The following DCAF12 variants were observed in gnomAD, a reference collection of about 807,000 sequenced individuals.
DCAF12 encodes the protein DDB1 and CUL4 associated factor 12, also known as DDB1- and CUL4-associated factor 12.
A neutral mutation model predicts 52.8 loss-of-function variants in DCAF12; 28 were observed. The observed-to-expected ratio is 0.53, with a 90% CI of 0.39 to 0.73. The LOEUF is 0.73. DCAF12 is among the 30% of genes least tolerant of loss of function. The probability of loss-of-function intolerance (pLI) is 0.00; values close to 1 mark genes in which losing one functional copy is unlikely to be tolerated. For synonymous variants in DCAF12, 196 were observed against 215.5 expected (o/e 0.91, Z 0.79); for missense variants, 425 against 552.2 (o/e 0.77, Z 2.31).
intron 3 of DCAF12, among the ~76,000 whole-genome samples, chr9:34,106,813 AT>A (rs1828911261): frequency 6.6e-6 from 1 of 151,994 alleles, no homozygotes; most frequent in Admixed American, 6.6e-5. Flanking sequence ...TTGTACCCTC[AT>A]TTCCTTTAAG....
In DCAF12 at chr9:34,088,272, T is replaced by G. The variant is rs978083388; in HGVS notation, c.*78A>C. 3.4e-6 allele frequency: 5 copies of G among 1,472,084 alleles called. No homozygotes were observed. The South Asian group carries it at 5.8e-5, about 17-fold the overall frequency. The allele number at this position is 1,472,084 out of a possible 1,614,324, so 91.2% of individuals were successfully genotyped here. Reference sequence around the variant, plus strand: ...CTAAAACACAAGAGCCTCACACAATTAGGAAAAAAAAAATCAAAAGAAACA... The same window carrying G: ...CTAAAACACAAGAGCCTCACACAATGAGGAAAAAAAAAATCAAAAGAAACA... On this transcript the variant is annotated 3_prime_UTR_variant, in exon 9 of 9. Coordinates refer to ENST00000361264, the MANE Select transcript of DCAF12 (RefSeq NM_015397.4).
chr9:34,114,230 T>C (rs555552823), intron 2 of DCAF12, among the ~76,000 whole-genome samples: 2 of 152,234 alleles, frequency 1.3e-5, no homozygotes, highest in African/African-American at 4.8e-5. Context: ...AAGCCAAGTA[T>C]AGAATACTGA....
intron 2 of DCAF12, among the ~76,000 whole-genome samples, chr9:34,108,609 T>C (rs1414320115): frequency 1.3e-5 from 2 of 151,860 alleles, no homozygotes; most frequent in African/African-American, 4.8e-5. Context: ...CTGGCTAACA[T>C]GGTGAAAACC....
At chr9:34,095,459 C>T (rs928971469) in intron 6 of DCAF12, among the ~76,000 whole-genome samples, 8 of 146,396 alleles carry the variant, frequency 5.5e-5, no homozygotes, top group African/African-American at 1.8e-4. Flanking sequence ...CGGCTCACTG[C>T]AGCCTTGACC....
intron 5 of DCAF12, among the ~76,000 whole-genome samples, chr9:34,097,750 T>C (rs1828757934): frequency 2.0e-5 from 3 of 151,902 alleles, no homozygotes; most frequent in African/African-American, 4.8e-5. Flanking sequence ...CTGGCCAACA[T>C]GGTGAAACCC....
intron 7 of DCAF12, among the ~76,000 whole-genome samples, chr9:34,091,596 C>G (rs555384547): frequency 4.7e-4 from 68 of 143,622 alleles, no homozygotes; most frequent in Admixed American, 1.5e-3. Context: ...TGAGATTGCA[C>G]CACTTTCCTC....
intron 4 of DCAF12, among the ~76,000 whole-genome samples, chr9:34,102,905 A>G (rs1043938959): frequency 6.6e-6 from 1 of 151,438 alleles, no homozygotes; most frequent in Admixed American, 6.6e-5. Context: ...TTGAAACACC[A>G]TCAGTACAAA....
intron 1 of DCAF12, chr9:34,125,629 G>A (rs1829237342): frequency 4.2e-6 from 2 of 475,710 alleles, no homozygotes; most frequent in Non-Finnish European, 4.3e-6. Context: ...TCTCTACCCA[G>A]CCCCCTTCTC....
intron 5 of DCAF12, among the ~76,000 whole-genome samples, chr9:34,097,147 C>A (rs1207186037): frequency 6.6e-6 from 1 of 151,886 alleles, no homozygotes; most frequent in Non-Finnish European, 1.5e-5. Context: ...TACCCTTAGG[C>A]CATAAATACA....
At chr9:34,118,468 A>C (rs193249267) in intron 2 of DCAF12, among the ~76,000 whole-genome samples, 25 of 152,252 alleles carry the variant, frequency 1.6e-4, no homozygotes, top group African/African-American at 6.0e-4. Flanking sequence ...GGATGCTAAC[A>C]GTTAACGTGT....
At chr9:34,105,900 G>C (rs953420512) in intron 4 of DCAF12, among the ~76,000 whole-genome samples, 1 of 150,676 alleles carries the variant, frequency 6.6e-6, no homozygotes, top group Middle Eastern at 3.5e-3. Flanking sequence ...AAGCGCCCAC[G>C]ACCACACTCA....
chr9:34,107,352 A>G lies in DCAF12; in HGVS notation c.540+7T>C. 6.2e-7 allele frequency: 1 copy of G among 1,613,826 alleles called. No individual in the cohort carries two copies. Among genetic ancestry groups the G allele is most frequent in the Non-Finnish European group, 8.5e-7 (1 of 1,179,840 alleles). On this transcript the variant is annotated splice_region_variant and intron_variant, in intron 3 of 8. Transcript: ENST00000361264. The stretch of plus-strand genomic sequence containing the variant: ...TCCCTCCAACTACAACTACTGGGAA[A>G]ACTTACATCTCCTACACACACAGGA...
At chr9:34,110,499 C>T (rs2131437393) in intron 2 of DCAF12, among the ~76,000 whole-genome samples, 1 of 152,246 alleles carries the variant, frequency 6.6e-6, no homozygotes, top group Admixed American at 6.6e-5. Flanking sequence ...TAAGCAGAGT[C>T]AACTTCCTAA....
chr9:34,104,904 C>A (rs1232489805), intron 4 of DCAF12, among the ~76,000 whole-genome samples: 1 of 148,562 alleles, frequency 6.7e-6, no homozygotes. Context: ...GGCAACACAG[C>A]AAGACTCCGT....
At chr9:34,112,342 T>A (rs986246028) in intron 2 of DCAF12, among the ~76,000 whole-genome samples, 1 of 152,172 alleles carries the variant, frequency 6.6e-6, no homozygotes, top group Non-Finnish European at 1.5e-5. Context: ...ACGCCTGTAA[T>A]CCCAGTACTT....
At chr9:34,091,000 T>C (rs1828634145) in intron 7 of DCAF12, among the ~76,000 whole-genome samples, 1 of 152,102 alleles carries the variant, frequency 6.6e-6, no homozygotes. Flanking sequence ...ACATTATTCT[T>C]TGTTCTAAAA....
rs1249140236 is a variant in DCAF12 at position 34,106,511 on chromosome 9, T to A, written c.541-17A>T. 6.2e-7 allele frequency: 1 copy of A among 1,602,672 alleles called. No individual in the cohort carries two copies. The highest frequency in any genetic ancestry group is 1.7e-5 in the Admixed American group (1 of 59,494). On this transcript the variant is annotated splice_polypyrimidine_tract_variant and intron_variant, in intron 3 of 8. Coordinates refer to ENST00000361264, the MANE Select transcript of DCAF12 (RefSeq NM_015397.4). ...GTGTCCATCCTTGGAGAGCAGGGAG[T>A]AACAGGTACAGGGAGGAAAATAAGA...
Position 34,089,407 on chromosome 9 carries a change from C to T in DCAF12, c.1203+5G>A, listed in dbSNP as rs1213795046. 3.1e-6 allele frequency: 5 copies of T among 1,609,894 alleles called. No homozygotes were observed. Among genetic ancestry groups the T allele is most frequent in the African/African-American group, 1.3e-5 (1 of 74,826 alleles). ...AGCAGTCATCTCAGGTAGGGGCTTA[C>T]GCACCAGCCAGCCTTTGCCAGTGGT... On this transcript the variant is annotated splice_donor_5th_base_variant and intron_variant, in intron 8 of 8. Transcript: ENST00000361264.
intron 6 of DCAF12, among the ~76,000 whole-genome samples, chr9:34,095,531 G>A (rs1226352806): frequency 6.6e-6 from 1 of 151,864 alleles, no homozygotes; most frequent in African/African-American, 2.4e-5. Flanking sequence ...GGGACTACAG[G>A]CATATGCCAC....
Sources: allele counts gnomAD v4.1 joint callset (sites outside exome capture counted in the v4.1 genomes callset), GRCh38; gene constraint gnomAD v4.1.1; transcripts MANE v1.5; gene names NCBI Gene and HGNC (gene_info 2026-07-23, HGNC 2026-07-21).